ADGRV1: variants seen among roughly 807,000 people sequenced by gnomAD.
The protein encoded by ADGRV1 is G-protein coupled receptor 98.
In ADGRV1, 359 loss-of-function variants were observed where a neutral mutation model predicts 596.2. The observed-to-expected ratio is 0.60, with a 90% confidence interval of 0.55 to 0.66. ADGRV1 has a LOEUF of 0.66. ADGRV1 is among the 30% of genes least tolerant of loss of function. The pLI is 0.00. For synonymous variants in ADGRV1, 2,681 were observed against 2,679.2 expected, an observed-to-expected ratio of 1.00 and a Z score of -0.02; for missense variants, 7,274 against 7,575.6, an observed-to-expected ratio of 0.96 and a Z score of 1.48.
At position 90,628,794 on chromosome 5, in the gene ADGRV1, A is replaced by G. The variant is rs757233432; in HGVS notation, c.1471A>G (p.Thr491Ala). ...TTATCTACTTCAAATTCTGCCTCATACAATACGAGGAGGTGCAGAAGTGAG... is the reference window on the plus strand; with the variant it reads ...TTATCTACTTCAAATTCTGCCTCATGCAATACGAGGAGGTGCAGAAGTGAG... ...EAYLLQILPH[T>A]IRGGAEVSEP... The change falls in exon 8 of 90, where the codon ACA becomes GCA. Residue 491 changes from threonine (T) to alanine (A), a missense_variant. Thr to Ala is a moderately conservative substitution (Grantham distance 58). This residue lies in a region of ADGRV1 where 1,715 missense variants were observed against 1,708.8 expected (regional missense o/e 1.00). Transcript: ENST00000405460. 5.0e-6 allele frequency: 8 copies of G among 1,614,042 alleles called. No homozygotes were observed. In the Admixed American group the frequency reaches 5.0e-5, roughly 10 times the overall value.
At chr5:90,763,082 G>A (rs922921762) in intron 58 of ADGRV1, 3 of 443,290 alleles carry the variant, frequency 6.8e-6, no homozygotes, top group Non-Finnish European at 1.2e-5. Context: ...TCAGTCACAT[G>A]CTCTACCTAA....
At chr5:90,750,883 TA>T (rs922292861) in intron 53 of ADGRV1, among the ~76,000 whole-genome samples, 186 bp downstream of exon 53, 1 of 152,146 alleles carries the variant, frequency 6.6e-6, no homozygotes, top group Non-Finnish European at 1.5e-5. Flanking sequence ...TGTTCTTTTT[TA>T]AAAAAATATA....
chr5:90,872,570 T>C (rs1768796614), intron 83 of ADGRV1, among the ~76,000 whole-genome samples: 1 of 152,184 alleles, frequency 6.6e-6, no homozygotes, highest in Non-Finnish European at 1.5e-5. Context: ...GAGACACTTA[T>C]TTAATGAAAC....
intron 85 of ADGRV1, among the ~76,000 whole-genome samples, chr5:91,026,108 C>T (rs2151205621): frequency 6.6e-6 from 1 of 152,276 alleles, no homozygotes; most frequent in South Asian, 2.1e-4. Flanking sequence ...CAAAGTCCCA[C>T]AGCCAGCAAT....
At chr5:90,563,222 T>G (rs1174156587) in intron 1 of ADGRV1, among the ~76,000 whole-genome samples, 1 of 152,234 alleles carries the variant, frequency 6.6e-6, no homozygotes, top group Non-Finnish European at 1.5e-5. Flanking sequence ...CTGTCTGTCT[T>G]CAGTTTTGCT....
chr5:90,715,124 G>T (rs1251409069), intron 42 of ADGRV1, among the ~76,000 whole-genome samples: 2 of 152,188 alleles, frequency 1.3e-5, no homozygotes. Flanking sequence ...GCCTTCCCTT[G>T]TGTTCTCTCA....
chr5:90,868,771 G>C (rs77174790), intron 83 of ADGRV1, among the ~76,000 whole-genome samples: 1 of 149,976 alleles, frequency 6.7e-6, no homozygotes, highest in African/African-American at 2.5e-5. Flanking sequence ...AAGACATTCT[G>C]CACACAGATA....
intron 4 of ADGRV1, among the ~76,000 whole-genome samples, chr5:90,622,239 G>A (rs1220430230): frequency 6.6e-6 from 1 of 152,156 alleles, no homozygotes; most frequent in Non-Finnish European, 1.5e-5. Context: ...CTGCTGCCTT[G>A]GTCTGGAGGC....
intron 50 of ADGRV1, among the ~76,000 whole-genome samples, chr5:90,737,096 A>G (rs1325244521): frequency 6.6e-6 from 1 of 151,834 alleles, no homozygotes; most frequent in East Asian, 1.9e-4. Flanking sequence ...TTATTGCTGT[A>G]AATTTTCCTT....
intron 22 of ADGRV1, 121 bp from the exon 23 acceptor site, chr5:90,673,933 A>G: frequency 3.0e-6 from 2 of 657,816 alleles, no homozygotes; most frequent in Non-Finnish European, 5.2e-6. Flanking sequence ...TAATTTATGC[A>G]GAAATAAGTC....
chr5:91,096,706 T>C (rs1167324304), intron 86 of ADGRV1, among the ~76,000 whole-genome samples: 2 of 152,194 alleles, frequency 1.3e-5, no homozygotes, highest in Non-Finnish European at 2.9e-5. Flanking sequence ...TTGTTAATTG[T>C]AGTAAAATAT....
At chr5:90,951,240 C>T (rs1462886857) in intron 83 of ADGRV1, among the ~76,000 whole-genome samples, 1 of 152,086 alleles carries the variant, frequency 6.6e-6, no homozygotes, top group Non-Finnish European at 1.5e-5. Context: ...TGTAGAGAGG[C>T]AATAAGAATG....
Position 91,125,998 on chromosome 5 carries a change from A to G in ADGRV1, c.18432+23658A>G, listed in dbSNP as rs1032680062. Among the ~76,000 whole-genome samples the G allele has an allele frequency of 6.0e-4, 91 of 152,176 alleles. 3 individuals carry two copies. Among genetic ancestry groups the G allele is most frequent in the Non-Finnish European group, 2.4e-4 (16 of 68,040 alleles). ...ATGGACTACTTCCTTGAAGCTTTCC[A>G]TGCCCACTCTAGTTTATAGTAACAT... On this transcript the variant is annotated intron_variant, in intron 87 of 89. Coordinates refer to ENST00000405460, the MANE Select transcript of ADGRV1 (RefSeq NM_032119.4).
intron 85 of ADGRV1, among the ~76,000 whole-genome samples, chr5:91,065,984 C>A (rs1787851303): frequency 6.6e-6 from 1 of 152,010 alleles, no homozygotes; most frequent in Non-Finnish European, 1.5e-5. Context: ...GTTGTAAGAC[C>A]CCAAAAGACT....
At chr5:90,707,981 A>G (rs1456380022) in intron 38 of ADGRV1, among the ~76,000 whole-genome samples, 1 of 152,192 alleles carries the variant, frequency 6.6e-6, no homozygotes, top group Non-Finnish European at 1.5e-5. Flanking sequence ...ATGTTGGTCC[A>G]TATATTACAT....
Position 90,881,926 on chromosome 5 carries a change from C to T in ADGRV1, c.17856+18069C>T, listed in dbSNP as rs192425470. Reference sequence around the variant, plus strand: ...GTCTTGCTTTGTTGCTCAAGCTGGTCTCCACCTCCTGGATTCAAGCAAACT... The same window carrying T: ...GTCTTGCTTTGTTGCTCAAGCTGGTTTCCACCTCCTGGATTCAAGCAAACT... On this transcript the variant is annotated intron_variant, in intron 83 of 89. Transcript: ENST00000405460. Among the ~76,000 whole-genome samples, 8 of 152,142 alleles carry T rather than the reference C, an allele frequency of 5.3e-5. No individual in the cohort carries two copies. The East Asian group carries it at 1.6e-3, about 30-fold the overall frequency.
At chr5:90,853,575 T>A (rs371013139) in intron 80 of ADGRV1, 42 bp downstream of exon 80, 2 of 1,569,722 alleles carry the variant, frequency 1.3e-6, no homozygotes, top group African/African-American at 1.4e-5. Context: ...GGAATCTGAT[T>A]TATTTCTTTA....
chr5:91,024,705 G>A (rs950143677), intron 85 of ADGRV1, among the ~76,000 whole-genome samples: 12 of 152,180 alleles, frequency 7.9e-5, no homozygotes, highest in South Asian at 4.1e-4. Flanking sequence ...CAGCATGAGC[G>A]TTCTCCATAG....
At chr5:90,765,470 C>CAG (rs546930616) in intron 59 of ADGRV1, among the ~76,000 whole-genome samples, 10,056 of 149,356 alleles carry the variant, frequency 0.067, 550 homozygotes, top group African/African-American at 0.14. Flanking sequence ...CACACACACA[C>CAG]AAACTCTAGA....
Sources: gnomAD v4.1 joint callset for allele counts (sites outside exome capture counted in the v4.1 genomes callset) on GRCh38, gnomAD v4.1.1 for gene constraint, gnomAD v4.1.1 regional missense constraint, MANE v1.5 for transcripts, NCBI Gene and HGNC (gene_info 2026-07-23, HGNC 2026-07-21) for gene names.